DPYD: variants seen among roughly 807,000 people sequenced by gnomAD.
DPYD encodes dihydropyrimidine dehydrogenase [NADP(+)].
In DPYD, 109 loss-of-function variants were observed where a neutral mutation model predicts 116.2. That is an observed-to-expected ratio of 0.94 (90% CI 0.80 to 1.10). The LOEUF (loss-of-function observed/expected upper bound fraction) is 1.10, where lower values mean the gene tolerates loss of function less well. Among genes scored for constraint, DPYD ranks in the 50% least tolerant of loss-of-function variants. DPYD has a pLI of 0.00. For missense variants in DPYD, 1,302 were observed against 1,254.5 expected (o/e 1.04, Z -0.57); for synonymous variants, 440 against 432.0 (o/e 1.02, Z -0.23).
chr1:97,627,476 GT>G (rs576565775), intron 8 of DPYD, among the ~76,000 whole-genome samples: 268 of 152,134 alleles, frequency 1.8e-3, no homozygotes, highest in South Asian at 7.3e-3. Flanking sequence ...AACTCACTCT[GT>G]TTCAGGTATT....
chr1:97,139,386 A>G (rs1654043686), intron 20 of DPYD, among the ~76,000 whole-genome samples: 1 of 152,216 alleles, frequency 6.6e-6, no homozygotes, highest in Non-Finnish European at 1.5e-5. Context: ...TATTCTGAAA[A>G]TGGCTTCACA....
At chr1:97,485,971 T>C (rs1212130660) in intron 13 of DPYD, among the ~76,000 whole-genome samples, 4 of 152,176 alleles carry the variant, frequency 2.6e-5, no homozygotes. Context: ...AATATTGACA[T>C]GGAATAGAGA....
intron 12 of DPYD, chr1:97,545,931 T>G (rs987221280): frequency 9.0e-7 from 1 of 1,109,432 alleles, no homozygotes; most frequent in African/African-American, 1.5e-5. Context: ...GTTTAAAGAA[T>G]CAGATTGTCA....
intron 16 of DPYD, among the ~76,000 whole-genome samples, chr1:97,327,560 G>T (rs1668770973): frequency 6.6e-6 from 1 of 151,834 alleles, no homozygotes; most frequent in South Asian, 2.1e-4. Context: ...TATTTCCTTT[G>T]AGTAAGAAAA....
chr1:97,512,792 T>TAA (rs1557763697), intron 13 of DPYD, among the ~76,000 whole-genome samples: 1 of 151,876 alleles, frequency 6.6e-6, no homozygotes, highest in Non-Finnish European at 1.5e-5. Context: ...GATATACATT[T>TAA]GTATAGAAAA....
intron 20 of DPYD, among the ~76,000 whole-genome samples, chr1:97,142,177 T>C (rs1174579349): frequency 6.6e-6 from 1 of 152,186 alleles, no homozygotes; most frequent in Non-Finnish European, 1.5e-5. Context: ...TCAATCTAGA[T>C]AGTTCTTCAA....
intron 18 of DPYD, among the ~76,000 whole-genome samples, chr1:97,260,861 T>C (rs1182686954): frequency 1.3e-5 from 2 of 152,022 alleles, no homozygotes; most frequent in Admixed American, 6.6e-5. Context: ...TAGCAGACAG[T>C]CCAGAGGGAG....
chr1:97,679,922 T>C (rs1660344655), intron 7 of DPYD, among the ~76,000 whole-genome samples: 1 of 152,112 alleles, frequency 6.6e-6, no homozygotes, highest in Non-Finnish European at 1.5e-5. Context: ...ACTATGGTCA[T>C]TTATCCAAGC....
rs549972222 is a variant in DPYD at position 97,463,703 on chromosome 1, G to C, written c.1741-13480C>G. On this transcript the variant is annotated intron_variant, in intron 13 of 22. Transcript: ENST00000370192. Reference sequence around the variant, plus strand: ...AGGGCAATGAAATTCAGGCTGAGATGGTCTCAGATGGAGATGAGGAACTTG... The same window carrying C: ...AGGGCAATGAAATTCAGGCTGAGATCGTCTCAGATGGAGATGAGGAACTTG... 4.9e-4 allele frequency among the ~76,000 whole-genome samples: 74 copies of C among 152,252 alleles called. 1 individual carries two copies. The highest frequency in any genetic ancestry group is 1.7e-3 in the African/African-American group (71 of 41,544).
intron 18 of DPYD, among the ~76,000 whole-genome samples, chr1:97,285,302 A>G (rs1665592841): frequency 6.6e-6 from 1 of 152,220 alleles, no homozygotes; most frequent in African/African-American, 2.4e-5. Flanking sequence ...AAGAGAAATG[A>G]AGAGGCTTCC....
chr1:97,382,970 T>A (rs1380060564), intron 14 of DPYD, among the ~76,000 whole-genome samples: 1 of 152,136 alleles, frequency 6.6e-6, no homozygotes, highest in Non-Finnish European at 1.5e-5. Context: ...TGCATTATAG[T>A]TTTAAATTTT....
At chr1:97,693,306 AAAAAAAAAAAACC>A (rs1214152027) in intron 6 of DPYD, among the ~76,000 whole-genome samples, 7,012 of 140,512 alleles carry the variant, frequency 0.05, 373 homozygotes, top group Non-Finnish European at 0.069. Flanking sequence ...AAAAAAAAAA[AAAAAAAAAAAACC>A]AAAAAAGAAA....
intron 8 of DPYD, among the ~76,000 whole-genome samples, chr1:97,665,442 TC>T (rs2100879527): frequency 6.6e-6 from 1 of 152,310 alleles, no homozygotes; most frequent in Admixed American, 6.5e-5. Flanking sequence ...TTTGTGTTTT[TC>T]TAAGTATCAC....
At chr1:97,514,449 AT>A (rs1377210663) in intron 13 of DPYD, among the ~76,000 whole-genome samples, 5 of 151,882 alleles carry the variant, frequency 3.3e-5, no homozygotes, top group African/African-American at 1.2e-4. Context: ...AGTATATGCT[AT>A]CTGAGACTCA....
intron 14 of DPYD, among the ~76,000 whole-genome samples, chr1:97,406,903 T>C (rs1415671922): frequency 6.6e-6 from 1 of 152,150 alleles, no homozygotes; most frequent in African/African-American, 2.4e-5. Context: ...AAAAGGTGTG[T>C]TTTCCACATA....
intron 14 of DPYD, among the ~76,000 whole-genome samples, chr1:97,443,465 G>A (rs988483204): frequency 6.6e-6 from 1 of 152,156 alleles, no homozygotes; most frequent in Non-Finnish European, 1.5e-5. Context: ...AGTTGCTTCA[G>A]CAGTTTCCTA....
chr1:97,256,021 A>G (rs1210832599), intron 18 of DPYD, among the ~76,000 whole-genome samples: 1 of 152,148 alleles, frequency 6.6e-6, no homozygotes. Flanking sequence ...TCTATAAGAA[A>G]TTAGTATTGA....
At chr1:97,618,034 G>A (rs1204094276) in intron 8 of DPYD, among the ~76,000 whole-genome samples, 1 of 151,996 alleles carries the variant, frequency 6.6e-6, no homozygotes, top group African/African-American at 2.4e-5. Context: ...AAACCAAATG[G>A]GCAAGTATGT....
intron 20 of DPYD, among the ~76,000 whole-genome samples, chr1:97,134,249 G>A (rs866469707): frequency 4.6e-5 from 7 of 151,366 alleles, no homozygotes; most frequent in Admixed American, 4.0e-4. Context: ...CATTTAAATT[G>A]AGTTATTAAT....
Sources: gnomAD v4.1 joint callset for allele counts (sites outside exome capture counted in the v4.1 genomes callset) on GRCh38, gnomAD v4.1.1 for gene constraint, MANE v1.5 for transcripts, NCBI Gene and HGNC (gene_info 2026-07-23, HGNC 2026-07-21) for gene names.